The following HDDC2 variants were observed in gnomAD, a reference collection of about 807,000 sequenced individuals.
HDDC2 encodes 5'-deoxynucleotidase HDDC2.
In HDDC2, 25 loss-of-function variants were observed where a neutral mutation model predicts 25.5. The observed-to-expected ratio is 0.98, with a 90% confidence interval of 0.72 to 1.37. HDDC2 has a LOEUF of 1.37. HDDC2 is among the 40% of genes most tolerant of loss of function. The pLI, the probability that HDDC2 is intolerant of heterozygous loss-of-function variation, is 0.00. For missense variants in HDDC2, 264 were observed against 253.1 expected, an observed-to-expected ratio of 1.04 and a Z score of -0.29; for synonymous variants, 106 against 89.7, an observed-to-expected ratio of 1.18 and a Z score of -1.03.
At chr6:125,291,760 C>G (rs908826323) in intron 4 of HDDC2, among the ~76,000 whole-genome samples, 4 of 152,206 alleles carry the variant, frequency 2.6e-5, no homozygotes, top group African/African-American at 7.2e-5. Context: ...TCAGGTCTCT[C>G]TGGCTGCAAG....
chr6:125,289,514 AC>A lies in HDDC2; in HGVS notation c.378+3326del, dbSNP rs200686467. Among the ~76,000 whole-genome samples, 195 of 138,302 alleles carry A rather than the reference AC, an allele frequency of 1.4e-3. 1 individual carries two copies. Among genetic ancestry groups the A allele is most frequent in the African/African-American group, 5.5e-3 (181 of 32,828 alleles). 90.7% of individuals were successfully genotyped at this position (138,302 alleles called of 152,430 possible). Reference sequence around the variant, plus strand: ...AAAAAATTAAAAAAAACAAAACAAAACAAAAAAAACAAAAAAAAAACATTTC... The same window carrying A: ...AAAAAATTAAAAAAAACAAAACAAAAAAAAAAAACAAAAAAAAAACATTTC... On this transcript the variant is annotated intron_variant, in intron 4 of 5. Transcript: ENST00000398153.
intron 1 of HDDC2, among the ~76,000 whole-genome samples, chr6:125,301,206 T>C (rs912061676): frequency 6.6e-6 from 1 of 152,182 alleles, no homozygotes; most frequent in East Asian, 1.9e-4. Context: ...AGGAATGTTA[T>C]AAATAGTAGT....
chr6:125,294,267 T>C (rs755975997), intron 3 of HDDC2, among the ~76,000 whole-genome samples: 1 of 152,222 alleles, frequency 6.6e-6, no homozygotes, highest in Non-Finnish European at 1.5e-5. Flanking sequence ...TGGACATTTG[T>C]GTGTATATTT....
intron 4 of HDDC2, among the ~76,000 whole-genome samples, chr6:125,282,727 G>C (rs1029708456): frequency 7.0e-6 from 1 of 141,928 alleles, no homozygotes; most frequent in East Asian, 2.0e-4. Flanking sequence ...TGGCAAATTG[G>C]ATAGAGTCAA....
intron 4 of HDDC2, among the ~76,000 whole-genome samples, chr6:125,292,159 G>A (rs971388201): frequency 2.0e-5 from 3 of 152,276 alleles, no homozygotes; most frequent in African/African-American, 7.2e-5. Flanking sequence ...TAGGGCTCAA[G>A]CAAGGAAGGG....
At chr6:125,276,420 C>T in intron 5 of HDDC2, 177 bp from the exon 6 acceptor site, 1 of 585,412 alleles carries the variant, frequency 1.7e-6, no homozygotes, top group Admixed American at 3.1e-5. Context: ...GACCACTTGG[C>T]ATTTACGCTC....
At chr6:125,289,510 CAAAACAAAAA>C (rs1395097895) in intron 4 of HDDC2, among the ~76,000 whole-genome samples, 1 of 129,378 alleles carries the variant, frequency 7.7e-6, no homozygotes, top group African/African-American at 3.4e-5. Flanking sequence ...AAAAACAAAA[CAAAACAAAAA>C]AAACAAAAAA....
chr6:125,298,772 A>G lies in HDDC2; in HGVS notation c.251T>C (p.Val84Ala), dbSNP rs368930540. ...GTTATCTGCTGGTGCTATGTCCCCA[A>G]CGATGCATTCTGCCATATCATGAAC... The part of the protein sequence containing the change: ...ALVHDMAECI[V>A]GDIAPADNIP... Residue 84 changes from valine to alanine, a missense_variant, in exon 3 of 6, where the codon GTT becomes GCT. By Grantham distance (64) the Val-to-Ala change is moderately conservative. Transcript: ENST00000398153. The G allele has an allele frequency of 1.1e-5, 18 of 1,614,020 alleles. No individual in the cohort carries two copies. Among genetic ancestry groups the G allele is most frequent in the South Asian group, 4.4e-5 (4 of 91,084 alleles).
chr6:125,298,869 T>C, intron 2 of HDDC2, 53 bp from the exon 3 acceptor site: 3 of 1,252,706 alleles, frequency 2.4e-6, no homozygotes. Flanking sequence ...TTACTACAAG[T>C]TCCTTCTCTA....
At chr6:125,288,288 G>C (rs1798573819) in intron 4 of HDDC2, among the ~76,000 whole-genome samples, 1 of 152,254 alleles carries the variant, frequency 6.6e-6, no homozygotes, top group Middle Eastern at 3.4e-3. Flanking sequence ...GGGGGAGAAA[G>C]GGGCAGGGAG....
intron 1 of HDDC2, 60 bp from the exon 2 acceptor site, chr6:125,300,719 C>T (rs992267238): frequency 4.6e-6 from 7 of 1,529,644 alleles, no homozygotes; most frequent in Non-Finnish European, 6.2e-6. Flanking sequence ...ATCTGCTATG[C>T]TCTTCAAGAG....
chr6:125,282,757 T>C (rs530215956), intron 4 of HDDC2, among the ~76,000 whole-genome samples: 1 of 152,318 alleles, frequency 6.6e-6, no homozygotes, highest in East Asian at 1.9e-4. Flanking sequence ...GTGTGCTATA[T>C]TCAGGAGACC....
At chr6:125,287,344 G>T (rs933372303) in intron 4 of HDDC2, among the ~76,000 whole-genome samples, 1 of 152,076 alleles carries the variant, frequency 6.6e-6, no homozygotes, top group Admixed American at 6.6e-5. Context: ...AGGGTGTTTC[G>T]ATTGGGGCAA....
chr6:125,278,833 T>C (rs905844521), intron 4 of HDDC2: 2 of 152,050 alleles, frequency 1.3e-5, no homozygotes, highest in Admixed American at 6.6e-5. Flanking sequence ...TTAAGAAATA[T>C]TAAGGATAAA....
Position 125,276,252 on chromosome 6 carries a change from C to T in HDDC2, c.518-9G>A. On this transcript the variant is annotated splice_polypyrimidine_tract_variant and intron_variant, in intron 5 of 5. Transcript: ENST00000398153. ...AGGGTGATTGAATTTTCCTGCAAAG[C>T]AAAAGAACAGGGAAAAATACATTCC... The T allele has an allele frequency of 6.2e-7, 1 of 1,602,512 alleles. No individual in the cohort carries two copies. Among genetic ancestry groups the T allele is most frequent in the African/African-American group, 1.3e-5 (1 of 74,596 alleles).
intron 4 of HDDC2, chr6:125,277,443 T>C (rs1161904245): frequency 4.0e-6 from 2 of 496,950 alleles, no homozygotes; most frequent in East Asian, 6.2e-5. Context: ...AAGAAAGATG[T>C]GCTCTCCATT....
chr6:125,283,438 T>A (rs1173221141), intron 4 of HDDC2, among the ~76,000 whole-genome samples: 1 of 152,120 alleles, frequency 6.6e-6, no homozygotes, highest in Admixed American at 6.6e-5. Flanking sequence ...GCCCCAAAAC[T>A]CCTTAAGGTG....
chr6:125,293,129 C>A, intron 3 of HDDC2: 1 of 616,872 alleles, frequency 1.6e-6, no homozygotes. Flanking sequence ...TCGCTTAGCA[C>A]CTCTTTTGTG....
intron 4 of HDDC2, among the ~76,000 whole-genome samples, chr6:125,284,647 T>C (rs1467813176): frequency 6.6e-6 from 1 of 152,166 alleles, no homozygotes; most frequent in Non-Finnish European, 1.5e-5. Context: ...TGGCAATCAT[T>C]AAAAAGTCAG....
Sources: allele counts gnomAD v4.1 joint callset (sites outside exome capture counted in the v4.1 genomes callset), GRCh38; gene constraint gnomAD v4.1.1; transcripts MANE v1.5; gene names NCBI Gene and HGNC (gene_info 2026-07-23, HGNC 2026-07-21).